The following CLIC5 variants were observed in gnomAD, a reference collection of about 807,000 sequenced individuals.
CLIC5 encodes the protein chloride intracellular channel protein 5.
A neutral mutation model predicts 24.7 loss-of-function variants in CLIC5; 20 were observed. The observed-to-expected ratio is 0.81, with a 90% confidence interval of 0.57 to 1.18. The LOEUF is 1.18. CLIC5 is among the 50% of genes most tolerant of loss of function. The pLI, the probability that CLIC5 is intolerant of heterozygous loss-of-function variation, is 0.00. For synonymous variants in CLIC5, 159 were observed against 135.6 expected (o/e 1.17, Z -1.20); for missense variants, 341 against 326.1 (o/e 1.05, Z -0.35).
At chr6:45,910,278 T>C (rs912576004) in intron 5 of CLIC5, among the ~76,000 whole-genome samples, 1 of 152,214 alleles carries the variant, frequency 6.6e-6, no homozygotes, top group African/African-American at 2.4e-5. Flanking sequence ...TTCCAGGGAC[T>C]GCTTTAAGTA....
At chr6:45,891,041 A>G (rs185145004) in intron 6 of CLIC5, among the ~76,000 whole-genome samples, 66 of 152,364 alleles carry the variant, frequency 4.3e-4, no homozygotes, top group Admixed American at 9.8e-4. Flanking sequence ...ATAATAATGT[A>G]TATTTCAAAA....
chr6:45,914,554 A>G (rs1167985557), intron 4 of CLIC5, 145 bp from the exon 5 acceptor site: 2 of 1,263,980 alleles, frequency 1.6e-6, no homozygotes, highest in African/African-American at 3.0e-5. Context: ...ATACCTGGAA[A>G]CCATTAACAC....
intron 1 of CLIC5, among the ~76,000 whole-genome samples, chr6:45,963,553 G>C (rs1024813774): frequency 1.8e-4 from 27 of 151,796 alleles, no homozygotes; most frequent in African/African-American, 6.3e-4. Flanking sequence ...TCCATGCTTG[G>C]TGCTCTTTGG....
At chr6:45,928,860 T>C (rs897356748) in intron 4 of CLIC5, among the ~76,000 whole-genome samples, 3 of 151,974 alleles carry the variant, frequency 2.0e-5, no homozygotes, top group Non-Finnish European at 4.4e-5. Context: ...ACAAGAGGTG[T>C]TGGTTGCATA....
At chr6:46,048,993 G>A (rs960470187) in intron 1 of CLIC5, among the ~76,000 whole-genome samples, 2 of 152,178 alleles carry the variant, frequency 1.3e-5, no homozygotes, top group African/African-American at 2.4e-5. Context: ...GGCAAGGGAG[G>A]AAAACAAAGG....
At chr6:45,912,835 G>T in intron 5 of CLIC5, 1 of 846,288 alleles carries the variant, frequency 1.2e-6, no homozygotes, top group Non-Finnish European at 1.9e-6. Flanking sequence ...GTGACTATTG[G>T]CTTGGCCCCA....
intron 1 of CLIC5, among the ~76,000 whole-genome samples, chr6:45,974,522 T>TATATAG (rs1339415709): frequency 2.1e-4 from 14 of 66,000 alleles, no homozygotes; most frequent in African/African-American, 3.7e-4. Context: ...TATATATATA[T>TATATAG]AGAGAGAGAG....
chr6:45,946,427 G>A (rs1414022910), intron 3 of CLIC5, among the ~76,000 whole-genome samples: 3 of 152,222 alleles, frequency 2.0e-5, no homozygotes, highest in African/African-American at 7.2e-5. Flanking sequence ...TGGTTGGAGT[G>A]TTTGTATGTG....
chr6:45,927,725 T>C (rs1763556416), intron 4 of CLIC5, among the ~76,000 whole-genome samples: 1 of 152,186 alleles, frequency 6.6e-6, no homozygotes, highest in African/African-American at 2.4e-5. Flanking sequence ...TTTTCCCTTG[T>C]CACATCTCTA....
the CLIC5 span, among the ~76,000 whole-genome samples, chr6:46,119,767 C>T: frequency 4.6e-5 from 7 of 152,228 alleles, no homozygotes; most frequent in East Asian, 1.9e-4. Flanking sequence ...TCTTAGCAAA[C>T]GGCACAAGAG....
chr6:46,091,211 G>A, the CLIC5 span, among the ~76,000 whole-genome samples: 1 of 152,060 alleles, frequency 6.6e-6, no homozygotes, highest in Non-Finnish European at 1.5e-5. Context: ...TATCCCTCCT[G>A]TCTAACTCAA....
chr6:45,993,890 T>C (rs1178429885), intron 1 of CLIC5, among the ~76,000 whole-genome samples: 1 of 152,152 alleles, frequency 6.6e-6, no homozygotes, highest in Non-Finnish European at 1.5e-5. Context: ...TTAAAATACA[T>C]CCGTTCATGG....
At chr6:45,969,536 A>G (rs941024830) in intron 1 of CLIC5, among the ~76,000 whole-genome samples, 3 of 150,724 alleles carry the variant, frequency 2.0e-5, no homozygotes, top group Non-Finnish European at 2.9e-5. Flanking sequence ...GGCCACATAG[A>G]CGATCGGTAG....
chr6:45,965,183 T>C (rs1032117402), intron 1 of CLIC5, among the ~76,000 whole-genome samples: 2 of 152,182 alleles, frequency 1.3e-5, no homozygotes, highest in African/African-American at 4.8e-5. Context: ...AGGAGAGTGT[T>C]CCTAAACTAG....
rs1764597706 is a variant in CLIC5 at position 45,955,069 on chromosome 6, C to T, written c.173+66G>A. 4.9e-6 allele frequency: 6 copies of T among 1,220,298 alleles called. No homozygotes were observed. In the East Asian group the frequency reaches 7.0e-5, roughly 14 times the overall value. 75.6% of individuals were successfully genotyped at this position (1,220,298 alleles called of 1,614,324 possible). On this transcript the variant is annotated intron_variant, in intron 2 of 5. Coordinates refer to ENST00000339561, the MANE Select transcript of CLIC5 (RefSeq NM_016929.5). ...CTGGGAGCCACGGAAGGCTTTTGCC[C>T]TCCTTCATGGAAGGTTCTCTGTTCA... is the stretch of plus-strand genomic sequence containing the variant.
intron 1 of CLIC5, among the ~76,000 whole-genome samples, chr6:45,970,612 G>A (rs2127403444): frequency 6.6e-6 from 1 of 152,298 alleles, no homozygotes; most frequent in South Asian, 2.1e-4. Context: ...CACAACCTGA[G>A]ATGAAGGAGT....
chr6:45,940,243 A>G (rs1345814153), intron 4 of CLIC5, among the ~76,000 whole-genome samples: 1 of 152,214 alleles, frequency 6.6e-6, no homozygotes, highest in Non-Finnish European at 1.5e-5. Flanking sequence ...CTGGTTCTGA[A>G]TACCTTCGAC....
In CLIC5 at chr6:45,971,385, A is replaced by T. The variant is rs75893255; in HGVS notation, c.64-16141T>A. ...TTGTACATGTTTTTAAAAAAATTTT[A>T]TTATGGTCATCTCGTCTCCACCCAA... On this transcript the variant is annotated intron_variant, in intron 1 of 5. Transcript: ENST00000339561. Among the ~76,000 whole-genome samples, 1,360 of 152,232 alleles carry T rather than the reference A, an allele frequency of 8.9e-3. 19 individuals carry two copies. Among genetic ancestry groups the T allele is most frequent in the African/African-American group, 0.031 (1,294 of 41,542 alleles).
At chr6:46,108,459 C>T in the CLIC5 span, among the ~76,000 whole-genome samples, 13 of 151,216 alleles carry the variant, frequency 8.6e-5, no homozygotes, top group African/African-American at 2.4e-4. Flanking sequence ...TGCAATGGTG[C>T]GGTCTTGGCT....
Sources: gnomAD v4.1 joint callset for allele counts (sites outside exome capture counted in the v4.1 genomes callset) on GRCh38, gnomAD v4.1.1 for gene constraint, MANE v1.5 for transcripts, NCBI Gene and HGNC (gene_info 2026-07-23, HGNC 2026-07-21) for gene names.